Variants in RASGRF2 observed in about 807,000 individuals in gnomAD.
The protein encoded by RASGRF2 is ras-specific guanine nucleotide-releasing factor 2.
In RASGRF2, 76 loss-of-function variants were observed where a neutral mutation model predicts 151.0. The observed-to-expected ratio is 0.50, with a 90% CI of 0.42 to 0.61. The LOEUF (loss-of-function observed/expected upper bound fraction) is 0.61, where lower values mean the gene tolerates loss of function less well. RASGRF2 is among the 20% of genes least tolerant of loss of function. The pLI is 0.00. For synonymous variants in RASGRF2, 504 were observed against 566.5 expected (o/e 0.89, Z 1.57); for missense variants, 1,148 against 1,564.6 (o/e 0.73, Z 4.49).
intron 16 of RASGRF2, among the ~76,000 whole-genome samples, chr5:81,124,510 A>G (rs1753398718): frequency 6.6e-6 from 1 of 152,170 alleles, no homozygotes; most frequent in Non-Finnish European, 1.5e-5. Context: ...GGGCATCACA[A>G]TCTGGGGAGA....
In RASGRF2 at chr5:80,960,763, G is replaced by T. The variant is rs752267061; in HGVS notation, c.25G>T (p.Glu9Ter). The change falls in exon 1 of 27, where the codon GAG (glutamate) becomes TAG (stop). Residue 9 changes from glutamate (E) to a stop codon, truncating the protein, a stop_gained. Transcript: ENST00000265080. LOFTEE classifies it high-confidence loss of function. This position sits in a 1 kb window ranked among gnomAD's most constrained non-coding sequence, Gnocchi z 5.5. MQKSVRYNEGHALYLAFLA... is the reference protein window; with the variant it reads MQKSVRYN ...CATGCAGAAGAGCGTGCGCTACAAC[G>T]AGGGGCACGCCCTGTACCTGGCCTT... 3.1e-6 allele frequency: 5 copies of T among 1,603,588 alleles called. No individual in the cohort carries two copies. Among genetic ancestry groups the T allele is most frequent in the East Asian group, 2.2e-5 (1 of 44,532 alleles).
chr5:81,060,545 C>G (rs183134771), intron 2 of RASGRF2, among the ~76,000 whole-genome samples: 51 of 152,274 alleles, frequency 3.3e-4, no homozygotes, highest in African/African-American at 1.2e-3. Flanking sequence ...TGTTGTCTTT[C>G]TCTCTCTACT....
intron 26 of RASGRF2, 113 bp downstream of exon 26, chr5:81,219,891 C>T: frequency 1.5e-6 from 1 of 651,164 alleles, no homozygotes; most frequent in South Asian, 3.1e-5. Context: ...ATAGAAAAGA[C>T]CAGTAAAATA....
intron 17 of RASGRF2, among the ~76,000 whole-genome samples, chr5:81,154,195 A>G (rs944126579): frequency 4.6e-5 from 7 of 152,220 alleles, no homozygotes; most frequent in Non-Finnish European, 8.8e-5. Context: ...CTTGAACAAC[A>G]CTATCAACCA....
chr5:81,227,287 T>C lies in RASGRF2; in HGVS notation c.*1517T>C, dbSNP rs967664221. 2.0e-5 allele frequency: 3 copies of C among 152,184 alleles called. No homozygotes were observed. The highest frequency in any genetic ancestry group is 4.8e-5 in the African/African-American group (2 of 41,448). The allele number at this position is 152,184 out of a possible 1,614,324, so 9.4% of individuals were successfully genotyped here. ...AAGAGCTAGCATTGGTAATGCACCA[T>C]AGAGGTAGAGAATGTACACTTTCTG... On this transcript the variant is annotated 3_prime_UTR_variant, in exon 27 of 27. Transcript: ENST00000265080.
At chr5:81,059,471 A>G (rs1751348003) in intron 2 of RASGRF2, among the ~76,000 whole-genome samples, 1 of 151,542 alleles carries the variant, frequency 6.6e-6, no homozygotes, top group South Asian at 2.1e-4. Context: ...GAGACTTTCT[A>G]TTGATCTACG....
intron 1 of RASGRF2, among the ~76,000 whole-genome samples, chr5:80,969,454 C>CT (rs1336281599): frequency 0.033 from 4,160 of 126,052 alleles, 223 homozygotes; most frequent in African/African-American, 0.11. Flanking sequence ...TTTCTTTTTT[C>CT]TTTTTTTTTT....
intron 5 of RASGRF2, among the ~76,000 whole-genome samples, chr5:81,078,537 G>C (rs150043094): frequency 1.3e-5 from 2 of 152,286 alleles, no homozygotes; most frequent in African/African-American, 4.8e-5. Flanking sequence ...TTAACATAAT[G>C]TGAAGAGGTG....
intron 1 of RASGRF2, among the ~76,000 whole-genome samples, chr5:80,980,903 A>G (rs1748277750): frequency 6.6e-6 from 1 of 151,984 alleles, no homozygotes; most frequent in South Asian, 2.1e-4. Context: ...GAGAAATGGG[A>G]TTCTTCCAGA....
chr5:81,075,215 A>G (rs532860823), intron 5 of RASGRF2, among the ~76,000 whole-genome samples: 1 of 152,376 alleles, frequency 6.6e-6, no homozygotes, highest in Non-Finnish European at 1.5e-5. Context: ...AGTCAGAGCC[A>G]GTAGGTGTCA....
At chr5:81,057,068 C>G (rs550271611) in intron 2 of RASGRF2, among the ~76,000 whole-genome samples, 2 of 152,014 alleles carry the variant, frequency 1.3e-5, no homozygotes, top group African/African-American at 2.4e-5. Context: ...CACACTGATG[C>G]GTGTTGACTC....
At chr5:81,055,293 T>TA (rs1212963416) in intron 2 of RASGRF2, among the ~76,000 whole-genome samples, 1 of 152,204 alleles carries the variant, frequency 6.6e-6, no homozygotes, top group Admixed American at 6.5e-5. Flanking sequence ...TATTTTGAGA[T>TA]ACGTCCCATC....
chr5:80,966,099 G>A (rs1747713728), intron 1 of RASGRF2, among the ~76,000 whole-genome samples: 1 of 151,970 alleles, frequency 6.6e-6, no homozygotes, highest in South Asian at 2.1e-4. Flanking sequence ...GTGTGTGTGT[G>A]TGTGTGTGTA....
rs945082361 is a variant in RASGRF2 at position 81,052,728 on chromosome 5, A to C, written c.395+9745A>C. On this transcript the variant is annotated intron_variant, in intron 2 of 26. Coordinates refer to ENST00000265080, the MANE Select transcript of RASGRF2 (RefSeq NM_006909.3). Reference sequence around the variant, plus strand: ...CAGTAATGCTGAAGGGGTGTGAGTAAAGATAGAGAAACTGGCCTTGCTTAG... The same window carrying C: ...CAGTAATGCTGAAGGGGTGTGAGTACAGATAGAGAAACTGGCCTTGCTTAG... Among the ~76,000 whole-genome samples the C allele has an allele frequency of 4.6e-5, 7 of 152,158 alleles. No homozygotes were observed. The South Asian group carries it at 1.4e-3, about 32-fold the overall frequency.
intron 18 of RASGRF2, among the ~76,000 whole-genome samples, chr5:81,196,162 G>C (rs1755260612): frequency 1.3e-5 from 2 of 152,202 alleles, no homozygotes; most frequent in Non-Finnish European, 2.9e-5. Context: ...GGGAGGCTGA[G>C]GTGTGAGAAT....
intron 1 of RASGRF2, among the ~76,000 whole-genome samples, chr5:81,006,007 C>T (rs1489337448): frequency 6.6e-6 from 1 of 152,162 alleles, no homozygotes; most frequent in Admixed American, 6.5e-5. Flanking sequence ...TCAAATGTTC[C>T]AAGTTCAAAC....
chr5:80,970,372 T>C (rs1023006017), intron 1 of RASGRF2, among the ~76,000 whole-genome samples: 3 of 152,216 alleles, frequency 2.0e-5, no homozygotes, highest in Admixed American at 6.5e-5. Context: ...TAGAGTTGTC[T>C]TGAATAATGA....
At chr5:81,124,478 G>A (rs570485379) in intron 16 of RASGRF2, among the ~76,000 whole-genome samples, 1 of 152,264 alleles carries the variant, frequency 6.6e-6, no homozygotes, top group South Asian at 2.1e-4. Flanking sequence ...TCCCAATGTA[G>A]TCTGTATAAG....
At position 81,212,517 on chromosome 5, in the gene RASGRF2, G is replaced by A; in HGVS notation, c.3308G>A (p.Ser1103Asn). The change falls in exon 23 of 27, where the codon AGT becomes AAT. Residue 1103 changes from serine (S) to asparagine (N), a missense_variant. Transcript: ENST00000265080. ...GAGATCACCTCGGCCTTAAACAGAAGTGCCATCTACAGGCTGAAGAAAACC... is the reference window on the plus strand; with the variant it reads ...GAGATCACCTCGGCCTTAAACAGAAATGCCATCTACAGGCTGAAGAAAACC... Reference protein sequence around the residue: ...VLEITSALNRSAIYRLKKTWA... With the variant: ...VLEITSALNRNAIYRLKKTWA... 1 of 1,613,314 alleles carries A rather than the reference G, an allele frequency of 6.2e-7. No homozygotes were observed. The highest frequency in any genetic ancestry group is 8.5e-7 in the Non-Finnish European group (1 of 1,179,682).
Sources: allele counts gnomAD v4.1 joint callset (sites outside exome capture counted in the v4.1 genomes callset), GRCh38; gene constraint gnomAD v4.1.1; non-coding constraint Gnocchi (gnomAD v3.1); transcripts MANE v1.5; gene names NCBI Gene and HGNC (gene_info 2026-07-23, HGNC 2026-07-21).